Variants in SEC14L1 observed in about 807,000 individuals in gnomAD.
The protein encoded by SEC14L1 is SEC14 like lipid binding 1, also known as SEC14-like protein 1.
A neutral mutation model predicts 85.3 loss-of-function variants in SEC14L1; 48 were observed. That is an observed-to-expected ratio of 0.56 (90% CI 0.45 to 0.72). The LOEUF (loss-of-function observed/expected upper bound fraction) is 0.72, where lower values mean the gene tolerates loss of function less well. SEC14L1 is among the 30% of genes least tolerant of loss of function. The pLI, the probability that SEC14L1 is intolerant of heterozygous loss-of-function variation, is 0.00. For synonymous variants in SEC14L1, 391 were observed against 355.5 expected, an observed-to-expected ratio of 1.10 and a Z score of -1.12; for missense variants, 682 against 921.4, an observed-to-expected ratio of 0.74 and a Z score of 3.36.
At chr17:77,209,642 C>T (rs1227609043) in intron 14 of SEC14L1, among the ~76,000 whole-genome samples, 166 bp downstream of exon 14, 4 of 152,140 alleles carry the variant, frequency 2.6e-5, no homozygotes, top group African/African-American at 9.7e-5. Context: ...TAAATGTCAA[C>T]GTCGAAGAAT....
chr17:77,201,184 A>G (rs1976120570), intron 9 of SEC14L1, among the ~76,000 whole-genome samples: 1 of 152,110 alleles, frequency 6.6e-6, no homozygotes, highest in Admixed American at 6.5e-5. Flanking sequence ...TTAAATGAGA[A>G]CCTTAAAACA....
intron 3 of SEC14L1, among the ~76,000 whole-genome samples, chr17:77,176,621 C>G (rs1224971197): frequency 1.3e-5 from 2 of 152,186 alleles, no homozygotes; most frequent in Admixed American, 6.5e-5. Context: ...GAGTCTCGCT[C>G]TGTTGTCCAG....
intron 8 of SEC14L1, among the ~76,000 whole-genome samples, chr17:77,197,126 G>A (rs748406080): frequency 4.6e-5 from 7 of 152,204 alleles, no homozygotes; most frequent in South Asian, 4.1e-4. Context: ...CCACTTCCAC[G>A]TAACTGTGGT....
At chr17:77,191,059 G>T (rs906255047) in intron 4 of SEC14L1, 107 bp downstream of exon 4, 5 of 1,526,386 alleles carry the variant, frequency 3.3e-6, no homozygotes, top group Non-Finnish European at 4.5e-6. Flanking sequence ...GAGGGAGAGG[G>T]CGTCCTGGAG....
intron 3 of SEC14L1, among the ~76,000 whole-genome samples, chr17:77,176,617 C>G (rs949134262): frequency 7.9e-5 from 12 of 152,204 alleles, no homozygotes; most frequent in Admixed American, 7.2e-4. Flanking sequence ...GACAGAGTCT[C>G]GCTCTGTTGT....
intron 14 of SEC14L1, chr17:77,211,534 C>T (rs1022892468): frequency 1.7e-5 from 3 of 178,778 alleles, no homozygotes; most frequent in Admixed American, 5.7e-5. Flanking sequence ...TTGCTGGGAA[C>T]GCTGTCCTCA....
chr17:77,164,206 A>C (rs1448912793), intron 3 of SEC14L1, among the ~76,000 whole-genome samples: 2 of 152,152 alleles, frequency 1.3e-5, no homozygotes, highest in African/African-American at 4.8e-5. Context: ...CGTGCCCCCG[A>C]GCAGGCAGAG....
At chr17:77,163,391 T>TTTTTCTCAGCACCATCCCTCCTTCA (rs6146155) in intron 3 of SEC14L1, among the ~76,000 whole-genome samples, 3 of 152,030 alleles carry the variant, frequency 2.0e-5, no homozygotes, top group Non-Finnish European at 4.4e-5. Flanking sequence ...CTAAGACTGG[T>TTTTTCTCAGCACCATCCCTCCTTCA]TCAGTCAGAG....
chr17:77,190,852 G>A lies in SEC14L1; in HGVS notation c.113G>A (p.Gly38Asp), dbSNP rs759524446. Residue 38 changes from glycine (G) to aspartate (D), a missense_variant, in exon 4 of 17, where the codon GGC becomes GAC. Physicochemically the swap from Gly to Asp is moderately conservative, Grantham distance 94. This residue lies in a region of SEC14L1 where 139 missense variants were observed against 201.3 expected (regional missense o/e 0.69). Coordinates refer to ENST00000436233, the MANE Select transcript of SEC14L1 (RefSeq NM_001143998.2). ...TGTCCTTTGATTCCGATGTTCGTGG[G>A]CAGTGACACTGTGAATGAATTCAAG... ...PTCPLIPMFVGSDTVNEFKSE... is the reference protein window; with the variant it reads ...PTCPLIPMFVDSDTVNEFKSE... 20 of 1,614,212 alleles carry A rather than the reference G, an allele frequency of 1.2e-5. No individual in the cohort carries two copies. The highest frequency in any genetic ancestry group is 5.0e-5 in the Admixed American group (3 of 60,028).
At chr17:77,171,754 TTA>T (rs1310962932) in intron 3 of SEC14L1, among the ~76,000 whole-genome samples, 3 of 152,250 alleles carry the variant, frequency 2.0e-5, no homozygotes, top group Admixed American at 1.3e-4. Flanking sequence ...AGACCCGTTA[TTA>T]GGTAATCTTC....
intron 3 of SEC14L1, among the ~76,000 whole-genome samples, chr17:77,160,442 A>G (rs1974007875): frequency 1.3e-5 from 2 of 152,230 alleles, no homozygotes; most frequent in African/African-American, 4.8e-5. Flanking sequence ...TGGTTTTTGA[A>G]TATCATGCAT....
At chr17:77,178,207 G>A (rs549517156) in intron 3 of SEC14L1, among the ~76,000 whole-genome samples, 97 of 152,048 alleles carry the variant, frequency 6.4e-4, no homozygotes, top group Non-Finnish European at 8.1e-4. Flanking sequence ...GGAGACCGTC[G>A]TCAGTAATTT....
At chr17:77,201,540 T>C (rs1976145396) in intron 9 of SEC14L1, among the ~76,000 whole-genome samples, 1 of 150,586 alleles carries the variant, frequency 6.6e-6, no homozygotes, top group African/African-American at 2.4e-5. Flanking sequence ...ACCCTCCACC[T>C]TCCGGGTTCA....
intron 3 of SEC14L1, among the ~76,000 whole-genome samples, chr17:77,159,688 T>A (rs907628546): frequency 1.1e-4 from 17 of 152,206 alleles, no homozygotes; most frequent in Non-Finnish European, 1.8e-4. Flanking sequence ...CCTTGTCTTT[T>A]ATATTTGATA....
At chr17:77,166,713 C>T (rs1974298997) in intron 3 of SEC14L1, among the ~76,000 whole-genome samples, 1 of 152,040 alleles carries the variant, frequency 6.6e-6, no homozygotes, top group South Asian at 2.1e-4. Context: ...GTGGCGCACA[C>T]CTGTAGTCCC....
chr17:77,186,949 A>G (rs575484345), intron 3 of SEC14L1, among the ~76,000 whole-genome samples: 7 of 152,344 alleles, frequency 4.6e-5, no homozygotes, highest in South Asian at 2.1e-4. Context: ...TTAATTTAAG[A>G]TGGGAATTCA....
At chr17:77,151,253 T>C (rs1045982605) in intron 3 of SEC14L1, among the ~76,000 whole-genome samples, 3 of 151,888 alleles carry the variant, frequency 2.0e-5, no homozygotes, top group Non-Finnish European at 4.4e-5. Context: ...AGTGGGAGAC[T>C]GTGCTGCCCT....
intron 3 of SEC14L1, among the ~76,000 whole-genome samples, chr17:77,185,949 G>C (rs956415503): frequency 6.6e-6 from 1 of 152,116 alleles, no homozygotes; most frequent in Non-Finnish European, 1.5e-5. Flanking sequence ...GCAGTAATGG[G>C]ATTCAGAACA....
At chr17:77,207,608 C>T (rs1231445720) in intron 13 of SEC14L1, among the ~76,000 whole-genome samples, 1 of 152,102 alleles carries the variant, frequency 6.6e-6, no homozygotes, top group East Asian at 1.9e-4. Context: ...TGCGCCACTA[C>T]CCACAGCTAA....
Sources: gnomAD v4.1 joint callset for allele counts (sites outside exome capture counted in the v4.1 genomes callset) on GRCh38, gnomAD v4.1.1 for gene constraint, gnomAD v4.1.1 regional missense constraint, MANE v1.5 for transcripts, NCBI Gene and HGNC (gene_info 2026-07-23, HGNC 2026-07-21) for gene names.